SCARF1: variants seen among roughly 807,000 people sequenced by gnomAD.
SCARF1 encodes the protein acetyl LDL receptor.
SCARF1 carries 49 observed loss-of-function variants against 76.3 expected under a neutral mutation model. The observed-to-expected ratio is 0.64, with a 90% CI of 0.51 to 0.81. The LOEUF is 0.81. Among genes scored for constraint, SCARF1 ranks in the 40% least tolerant of loss-of-function variants. The probability of loss-of-function intolerance (pLI) is 0.00; values close to 1 mark genes in which losing one functional copy is unlikely to be tolerated. For synonymous variants in SCARF1, 495 were observed against 474.6 expected, an observed-to-expected ratio of 1.04 and a Z score of -0.56; for missense variants, 1,098 against 1,143.9, an observed-to-expected ratio of 0.96 and a Z score of 0.58.
At chr17:1,637,162 G>C (rs1208943714) in intron 8 of SCARF1, 100 bp from the exon 9 acceptor site, 1 of 1,258,896 alleles carries the variant, frequency 7.9e-7, no homozygotes, top group African/African-American at 1.5e-5. Context: ...TACTTCAGTG[G>C]CTTCAGTGGC....
rs1033733216 is a variant in SCARF1, at chr17:1,643,475, G to T, written c.758C>A (p.Pro253Gln). ...GCACTGCACCCCGTGGCTGCCTGCC[G>T]GGCAGGGCAGCTCGCAGCGCGCTCC... ...FRGARCELPC[P>Q]AGSHGVQCAH... Residue 253 changes from proline (P) to glutamine (Q), a missense_variant, in exon 4 of 11, where the codon CCG becomes CAG. Physicochemically the swap from Pro to Gln is moderately conservative, Grantham distance 76. Coordinates refer to ENST00000263071, the MANE Select transcript of SCARF1 (RefSeq NM_003693.4). 7.6e-7 allele frequency: 1 copy of T among 1,312,310 alleles called. No individual in the cohort carries two copies. Among genetic ancestry groups the T allele is most frequent in the South Asian group, 2.1e-5 (1 of 46,794 alleles). The allele number at this position is 1,312,310 out of a possible 1,614,324, so 81.3% of individuals were successfully genotyped here.
In SCARF1 at chr17:1,643,774, G is replaced by A. The variant is rs1042213469; in HGVS notation, c.459C>T (p.Gly153=). 2 of 1,279,574 alleles carry A rather than the reference G, an allele frequency of 1.6e-6. No homozygotes were observed. Among genetic ancestry groups the A allele is most frequent in the African/African-American group, 1.6e-5 (1 of 64,300 alleles). The allele number at this position is 1,279,574 out of a possible 1,614,324, so 79.3% of individuals were successfully genotyped here. A position where few individuals can be genotyped will look rare whatever the true frequency, so the allele number is the denominator to read the frequency against. Residue 153 remains glycine (G), a synonymous_variant, in exon 4 of 11, where the codon GGC becomes GGT. Transcript: ENST00000263071. ...GGCGGCGGCACGTGGACGACCACCA[G>A]CCGGGTTCGCAGTGGCACACGCCGG... ...PATGVCHCEP[G]WWSSTCRRPC... is the part of the protein sequence containing the mutation.
In SCARF1 at chr17:1,644,126, C is replaced by G. The variant is rs1197825918; in HGVS notation, c.266-159G>C. On this transcript the variant is annotated intron_variant, in intron 3 of 10. Transcript: ENST00000263071. This position sits in a 1 kb window ranked among gnomAD's most constrained non-coding sequence, Gnocchi z 4.8. ...GGCAGCCTGTCCTGGGCAACACTCA[C>G]TTCCTGCTCCGCTCTGACCTACAGA... The G allele has an allele frequency of 2.0e-6, 1 of 498,958 alleles. No individual in the cohort carries two copies. Among genetic ancestry groups the G allele is most frequent in the Non-Finnish European group, 3.2e-6 (1 of 316,732 alleles). The allele number at this position is 498,958 out of a possible 1,614,324, so 30.9% of individuals were successfully genotyped here.
chr17:1,640,090 C>T lies in SCARF1; in HGVS notation c.1011-50G>A. The stretch of plus-strand genomic sequence containing the variant: ...AGGGGAGACCAAGGCAGGCCTGGCC[C>T]CCACTGTGGGGCCCCACCCCTCCGC... On this transcript the variant is annotated intron_variant, in intron 5 of 10. Transcript: ENST00000263071. The surrounding 1 kb of genome is among the most constrained non-coding windows in gnomAD (Gnocchi z 4.7). The T allele has an allele frequency of 1.9e-6, 3 of 1,597,438 alleles. No individual in the cohort carries two copies. The highest frequency in any genetic ancestry group is 2.6e-6 in the Non-Finnish European group (3 of 1,172,230).
At chr17:1,636,641 G>A in intron 10 of SCARF1, 68 bp downstream of exon 10, 1 of 1,532,254 alleles carries the variant, frequency 6.5e-7, no homozygotes, top group Non-Finnish European at 8.9e-7. Flanking sequence ...TAACTTTGCT[G>A]GAGGACTAAA....
At chr17:1,639,472 T>G (rs1036885867) in intron 7 of SCARF1, among the ~76,000 whole-genome samples, 167 bp downstream of exon 7, 2 of 148,072 alleles carry the variant, frequency 1.4e-5, no homozygotes, top group Admixed American at 1.4e-4. Context: ...ACCACTGCAC[T>G]CTGGCCTGGG....
Position 1,634,476 on chromosome 17 carries a change from A to G in SCARF1, c.*282T>C, listed in dbSNP as rs1008155814. The G allele has an allele frequency of 1.9e-4, 75 of 399,322 alleles. No individual in the cohort carries two copies. The highest frequency in any genetic ancestry group is 1.2e-4 in the Non-Finnish European group (28 of 227,060). The allele number at this position is 399,322 out of a possible 1,614,324, so 24.7% of individuals were successfully genotyped here. A position where few individuals can be genotyped will look rare whatever the true frequency, so the allele number is the denominator to read the frequency against. ...ATTTCAGAAAAATGTTTTGCACGTG[A>G]AAGAAAGAATAGCCCTTATGAGGCA... On this transcript the variant is annotated 3_prime_UTR_variant, in exon 11 of 11. Transcript: ENST00000263071.
rs1023877465 is a variant in SCARF1 at position 1,639,750 on chromosome 17, G to A, written c.1140-8C>T. ...GGGCAGGAGGCGTTGCAGCTATGGA[G>A]TGACATGGAGAGGCAGGCTGAGGGC... is the stretch of plus-strand genomic sequence containing the variant. On this transcript the variant is annotated splice_region_variant and splice_polypyrimidine_tract_variant and intron_variant, in intron 6 of 10. Transcript: ENST00000263071. 1.9e-6 allele frequency: 3 copies of A among 1,606,412 alleles called. No individual in the cohort carries two copies. Among genetic ancestry groups the A allele is most frequent in the African/African-American group, 2.7e-5 (2 of 74,960 alleles).
rs1463010624 is a variant in SCARF1 at position 1,643,721 on chromosome 17, C to T, written c.512G>A (p.Arg171His). The part of the protein sequence containing the change: ...RPCQCNTAAA[R>H]CEQATGACVC... Reference sequence around the variant, plus strand: ...GCAGGCGCCCGTGGCCTGCTCGCAGCGCGCCGCCGCGGTGTTGCACTGGCA... The same window carrying T: ...GCAGGCGCCCGTGGCCTGCTCGCAGTGCGCCGCCGCGGTGTTGCACTGGCA... The change falls in exon 4 of 11, where the codon CGC (arginine) becomes CAC (histidine). Residue 171 changes from arginine to histidine, a missense_variant. Coordinates refer to ENST00000263071, the MANE Select transcript of SCARF1 (RefSeq NM_003693.4). 5.3e-6 allele frequency: 7 copies of T among 1,331,970 alleles called. No homozygotes were observed. The highest frequency in any genetic ancestry group is 4.1e-5 in the Admixed American group (1 of 24,562). The allele number at this position is 1,331,970 out of a possible 1,614,324, so 82.5% of individuals were successfully genotyped here.
chr17:1,642,336 C>A (rs1910125868), intron 4 of SCARF1, among the ~76,000 whole-genome samples: 1 of 100,444 alleles, frequency 1.0e-5, no homozygotes, highest in Middle Eastern at 7.4e-3. Flanking sequence ...CCTCCCCCCT[C>A]CCCCCACCCC....
rs1422832489 is a variant in SCARF1, at chr17:1,640,294, G to C, written c.1010+154C>G. 1.2e-6 allele frequency: 1 copy of C among 819,648 alleles called. No homozygotes were observed. Among genetic ancestry groups the C allele is most frequent in the African/African-American group, 1.7e-5 (1 of 57,846 alleles). 50.8% of individuals were successfully genotyped at this position (819,648 alleles called of 1,614,324 possible). A position where few individuals can be genotyped will look rare whatever the true frequency, so the allele number is the denominator to read the frequency against. Reference sequence around the variant, plus strand: ...CTGGGATCCTGCCCAGGCCCCCCCAGAACCCACTGCTCTCCCCCAGTCTTC... The same window carrying C: ...CTGGGATCCTGCCCAGGCCCCCCCACAACCCACTGCTCTCCCCCAGTCTTC... On this transcript the variant is annotated intron_variant, in intron 5 of 10. Transcript: ENST00000263071. This position sits in a 1 kb window ranked among gnomAD's most constrained non-coding sequence, Gnocchi z 4.7.
intron 10 of SCARF1, among the ~76,000 whole-genome samples, 192 bp from the exon 11 acceptor site, chr17:1,635,809 A>G (rs1909513074): frequency 1.4e-5 from 2 of 142,904 alleles, no homozygotes. Flanking sequence ...AATTGTAGAG[A>G]TGGGGTCTCA....
rs1336845899 is a variant in SCARF1, at chr17:1,645,650, C to A, written c.48G>T (p.Gly16=). The change falls in exon 1 of 11, where the codon GGG becomes GGT. Residue 16 remains glycine, a synonymous_variant. Coordinates refer to ENST00000263071, the MANE Select transcript of SCARF1 (RefSeq NM_003693.4). The surrounding 1 kb of genome is among the most constrained non-coding windows in gnomAD (Gnocchi z 6.3). The part of the protein sequence containing the change: ...LLPLLLLWTR[G]TQGSELDPKG... Reference sequence around the variant, plus strand: ...TGGGGTCCAGCTCGGACCCCTGAGTCCCCCGAGTCCAGAGCAGCAGCAGCG... The same window carrying A: ...TGGGGTCCAGCTCGGACCCCTGAGTACCCCGAGTCCAGAGCAGCAGCAGCG... 6.2e-7 allele frequency: 1 copy of A among 1,608,876 alleles called. No individual in the cohort carries two copies. The highest frequency in any genetic ancestry group is 8.5e-7 in the Non-Finnish European group (1 of 1,179,394).
rs753964718 is a variant in SCARF1 at position 1,644,966 on chromosome 17, C to T, written c.164-31G>A. ...AGACACCCCACCCAGGTTGGAAAGA[C>T]GGGAGCAGGACCAGGGGACACCCCT... On this transcript the variant is annotated intron_variant, in intron 2 of 10. Transcript: ENST00000263071. The surrounding 1 kb of genome is among the most constrained non-coding windows in gnomAD (Gnocchi z 4.8). 74 of 1,605,282 alleles carry T rather than the reference C, an allele frequency of 4.6e-5. No individual in the cohort carries two copies. Among genetic ancestry groups the T allele is most frequent in the East Asian group, 2.2e-4 (10 of 44,760 alleles).
Position 1,640,440 on chromosome 17 carries a change from G to A in SCARF1, c.1010+8C>T. ...TGTACCCCACCCTGAACAGAATGGT[G>A]CCCTCACCTGGGCCCCAGCCAGCCA... On this transcript the variant is annotated splice_region_variant and intron_variant, in intron 5 of 10. Transcript: ENST00000263071. This position sits in a 1 kb window ranked among gnomAD's most constrained non-coding sequence, Gnocchi z 4.7. 1.3e-6 allele frequency: 2 copies of A among 1,548,968 alleles called. No individual in the cohort carries two copies. Among genetic ancestry groups the A allele is most frequent in the Non-Finnish European group, 1.7e-6 (2 of 1,146,286 alleles).
chr17:1,640,793 G>A lies in SCARF1; in HGVS notation c.792-127C>T, dbSNP rs1224168182. 3.8e-6 allele frequency: 3 copies of A among 790,678 alleles called. No homozygotes were observed. Among genetic ancestry groups the A allele is most frequent in the Non-Finnish European group, 6.2e-6 (3 of 480,550 alleles). The allele number at this position is 790,678 out of a possible 1,614,324, so 49.0% of individuals were successfully genotyped here. A position where few individuals can be genotyped will look rare whatever the true frequency, so the allele number is the denominator to read the frequency against. ...AGTGTTCGGGTCCCACCTGGGTCAG[G>A]CAGGTTTGAGCCTCAGTTTCCCCAC... On this transcript the variant is annotated intron_variant, in intron 4 of 10. Coordinates refer to ENST00000263071, the MANE Select transcript of SCARF1 (RefSeq NM_003693.4). The surrounding 1 kb of genome is among the most constrained non-coding windows in gnomAD (Gnocchi z 4.7).
chr17:1,645,603 G>A lies in SCARF1; in HGVS notation c.95C>T (p.Ala32Val), dbSNP rs1237284619. ...AGACTCCCACGAGACCCACCTGCTG[G>A]CCACACAGACGTGCTGCCCTTTGGG... The part of the protein sequence containing the change: ...LDPKGQHVCV[A>V]SSPSAELQCC... Residue 32 changes from alanine (A) to valine (V), a missense_variant, in exon 1 of 11, where the codon GCC becomes GTC. Transcript: ENST00000263071. The surrounding 1 kb of genome is among the most constrained non-coding windows in gnomAD (Gnocchi z 6.3). The A allele has an allele frequency of 6.2e-7, 1 of 1,606,270 alleles. No individual in the cohort carries two copies. The highest frequency in any genetic ancestry group is 8.5e-7 in the Non-Finnish European group (1 of 1,178,786).
rs568593135 is a variant in SCARF1, at chr17:1,636,493, A to G, written c.1633+216T>C. On this transcript the variant is annotated intron_variant, in intron 10 of 10. Coordinates refer to ENST00000263071, the MANE Select transcript of SCARF1 (RefSeq NM_003693.4). ...CCGTGTGTGGTGGTGCACGCCTGTA[A>G]TCCCAGCTATTTGGGAGGCTGAGGC... 1.1e-4 allele frequency among the ~76,000 whole-genome samples: 16 copies of G among 152,286 alleles called. No individual in the cohort carries two copies. The East Asian group carries it at 2.7e-3, about 26-fold the overall frequency.
In SCARF1 at chr17:1,645,051, G is replaced by T. The variant is rs1598524805; in HGVS notation, c.164-116C>A. 6.6e-6 allele frequency: 10 copies of T among 1,520,816 alleles called. No individual in the cohort carries two copies. Among genetic ancestry groups the T allele is most frequent in the Middle Eastern group, 1.7e-4 (1 of 5,886 alleles). 94.2% of individuals were successfully genotyped at this position (1,520,816 alleles called of 1,614,324 possible). Reference sequence around the variant, plus strand: ...AAGAGGTGCCCCTTCAGGCCTGGGGGTGCGTCACAGGAGAAACCCTGACTC... The same window carrying T: ...AAGAGGTGCCCCTTCAGGCCTGGGGTTGCGTCACAGGAGAAACCCTGACTC... On this transcript the variant is annotated intron_variant, in intron 2 of 10. Transcript: ENST00000263071. This position sits in a 1 kb window ranked among gnomAD's most constrained non-coding sequence, Gnocchi z 6.3.
Sources: allele counts gnomAD v4.1 joint callset (sites outside exome capture counted in the v4.1 genomes callset), GRCh38; gene constraint gnomAD v4.1.1; non-coding constraint Gnocchi (gnomAD v3.1); transcripts MANE v1.5; gene names NCBI Gene and HGNC (gene_info 2026-07-23, HGNC 2026-07-21).